Variants in GCSAML observed in about 807,000 individuals in gnomAD.
GCSAML encodes germinal center-associated signaling and motility-like protein.
In GCSAML, 9 loss-of-function variants were observed where a neutral mutation model predicts 13.0. That is an observed-to-expected ratio of 0.69 (90% CI 0.42 to 1.21). The LOEUF is 1.21. Ranked by LOEUF, GCSAML falls within the 50% of genes most tolerant of loss-of-function variation. The pLI is 0.00. For missense variants in GCSAML, 143 were observed against 153.4 expected (o/e 0.93, Z 0.36); for synonymous variants, 37 against 52.9 (o/e 0.70, Z 1.31).
At chr1:247,522,296 TG>T (rs1235650515) in intron 1 of GCSAML, among the ~76,000 whole-genome samples, 6 of 106,386 alleles carry the variant, frequency 5.6e-5, no homozygotes, top group Non-Finnish European at 1.0e-4. Flanking sequence ...GGGAGGGAGG[TG>T]GGGGGCGCCT....
intron 2 of GCSAML, among the ~76,000 whole-genome samples, chr1:247,557,343 A>G (rs1413115766): frequency 2.6e-5 from 4 of 152,196 alleles, no homozygotes; most frequent in African/African-American, 9.7e-5. Context: ...CCCTTGCAAG[A>G]CACTCAATGG....
intron 4 of GCSAML, among the ~76,000 whole-genome samples, chr1:247,566,369 G>C (rs1668366589): frequency 6.6e-6 from 1 of 151,930 alleles, no homozygotes; most frequent in Admixed American, 6.6e-5. Context: ...CAGCCTCCCA[G>C]GTAGCTGGCT....
chr1:247,572,132 T>G (rs1172104815), intron 4 of GCSAML, among the ~76,000 whole-genome samples: 1 of 152,212 alleles, frequency 6.6e-6, no homozygotes, highest in Admixed American at 6.5e-5. Context: ...TTAGCTTCCT[T>G]GCATTGGCTT....
At chr1:247,546,608 G>A (rs181751289), upstream of GCSAML, among the ~76,000 whole-genome samples, 19 of 151,986 alleles carry the variant, frequency 1.3e-4, no homozygotes, top group East Asian at 3.1e-3. Flanking sequence ...TGATCCACCC[G>A]CCTCGGCCTG....
chr1:247,513,476 C>G (rs1666109227), intron 1 of GCSAML, among the ~76,000 whole-genome samples: 1 of 152,254 alleles, frequency 6.6e-6, no homozygotes. Flanking sequence ...AGCTAGACCA[C>G]TTGGCTTCCT....
At position 247,557,433 on chromosome 1, in the gene GCSAML, AC is replaced by A. The variant is rs1667993727; in HGVS notation, c.89+970del. On this transcript the variant is annotated intron_variant, in intron 2 of 4. Transcript: ENST00000366488. ...TGCCTCAGCTTAGATGAACAGAAACACCCTGCCTTGTTGGTTAACTGTAGGC... is the reference window on the plus strand; with the variant it reads ...TGCCTCAGCTTAGATGAACAGAAACACCTGCCTTGTTGGTTAACTGTAGGC... Among the ~76,000 whole-genome samples, 3 of 152,174 alleles carry A rather than the reference AC, an allele frequency of 2.0e-5. No homozygotes were observed. In the South Asian group the frequency reaches 6.2e-4, roughly 32 times the overall value.
intron 1 of GCSAML, among the ~76,000 whole-genome samples, chr1:247,521,730 C>T (rs1233100934): frequency 2.6e-5 from 4 of 152,100 alleles, no homozygotes; most frequent in Non-Finnish European, 1.5e-5. Context: ...CAGCTCGCTA[C>T]AACCTCCACC....
chr1:247,514,808 C>T (rs1346404676), intron 1 of GCSAML, among the ~76,000 whole-genome samples: 2 of 152,134 alleles, frequency 1.3e-5, no homozygotes, highest in African/African-American at 2.4e-5. Context: ...TTATTCTGTT[C>T]CATTGGTCAA....
chr1:247,538,862 C>T (rs1194754496), intron 2 of GCSAML: 12 of 405,278 alleles, frequency 3.0e-5, no homozygotes, highest in Non-Finnish European at 6.0e-5. Context: ...CTCGACCTGC[C>T]TAATACAGAT....
intron 4 of GCSAML, among the ~76,000 whole-genome samples, chr1:247,573,230 C>T (rs1425187420): frequency 6.6e-6 from 1 of 152,186 alleles, no homozygotes; most frequent in Non-Finnish European, 1.5e-5. Context: ...AAAAAAACTC[C>T]TGCAGCTAGC....
rs530317484 is a variant in GCSAML, at chr1:247,535,362, C to T, written c.-148+8308C>T. On this transcript the variant is annotated intron_variant, in intron 2 of 5. Coordinates refer to the GCSAML transcript ENST00000366489. Reference sequence around the variant, plus strand: ...TCAGGGAGGTAGAGTTGAGACCTGTCAAAACGTGGATGTTTTCATCATGTG... The same window carrying T: ...TCAGGGAGGTAGAGTTGAGACCTGTTAAAACGTGGATGTTTTCATCATGTG... 3.3e-5 allele frequency among the ~76,000 whole-genome samples: 5 copies of T among 152,152 alleles called. No homozygotes were observed. The East Asian group carries it at 7.7e-4, about 24-fold the overall frequency.
At chr1:247,558,389 CTT>C (rs2103048561) in intron 2 of GCSAML, among the ~76,000 whole-genome samples, 1 of 152,282 alleles carries the variant, frequency 6.6e-6, no homozygotes, top group African/African-American at 2.4e-5. Flanking sequence ...AGTCACTTAA[CTT>C]TTAAAATGTA....
At chr1:247,508,149 T>C (rs1379628758) in intron 1 of GCSAML, among the ~76,000 whole-genome samples, 2 of 152,240 alleles carry the variant, frequency 1.3e-5, no homozygotes, top group African/African-American at 4.8e-5. Flanking sequence ...AAAGCATTCC[T>C]ATTTCTCCAC....
chr1:247,509,587 A>T (rs1665950991), intron 1 of GCSAML, among the ~76,000 whole-genome samples: 1 of 152,190 alleles, frequency 6.6e-6, no homozygotes, highest in Non-Finnish European at 1.5e-5. Flanking sequence ...GCTGGTTTTC[A>T]AAGAAAATGC....
At chr1:247,520,781 T>C (rs1158416561) in intron 1 of GCSAML, among the ~76,000 whole-genome samples, 2 of 152,184 alleles carry the variant, frequency 1.3e-5, no homozygotes, top group Non-Finnish European at 2.9e-5. Flanking sequence ...TCAGATTTCC[T>C]CATTGGATTA....
At chr1:247,532,646 G>C (rs1667033489) in intron 2 of GCSAML, 1 of 893,208 alleles carries the variant, frequency 1.1e-6, no homozygotes, top group Admixed American at 2.9e-5. Flanking sequence ...TTCTTTTTTA[G>C]AGACACAATT....
chr1:247,576,205 C>A lies in GCSAML; in HGVS notation c.*1823C>A, dbSNP rs2103087984. ...TGAAACAGAGTTTGCGCACATTGGA[C>A]CATCAGAAAGCAGAAGTGTCACTAT... On this transcript the variant is annotated 3_prime_UTR_variant, in exon 5 of 5. Transcript: ENST00000366488. 6.6e-6 allele frequency: 1 copy of A among 152,176 alleles called. No individual in the cohort carries two copies. Among genetic ancestry groups the A allele is most frequent in the East Asian group, 1.9e-4 (1 of 5,186 alleles). The allele number at this position is 152,176 out of a possible 1,614,324, so 9.4% of individuals were successfully genotyped here.
At chr1:247,520,914 C>G (rs1666393681) in intron 1 of GCSAML, among the ~76,000 whole-genome samples, 1 of 152,172 alleles carries the variant, frequency 6.6e-6, no homozygotes, top group African/African-American at 2.4e-5. Flanking sequence ...TTCTGTGTTT[C>G]TTATTAAGCC....
intron 1 of GCSAML, among the ~76,000 whole-genome samples, chr1:247,551,519 G>C (rs752683484): frequency 5.9e-5 from 9 of 152,180 alleles, no homozygotes; most frequent in Non-Finnish European, 1.2e-4. Flanking sequence ...AGGAAGAAAT[G>C]TCTATGCTCA....
Sources: gnomAD v4.1 joint callset for allele counts (sites outside exome capture counted in the v4.1 genomes callset) on GRCh38, gnomAD v4.1.1 for gene constraint, MANE v1.5 for transcripts, NCBI Gene and HGNC (gene_info 2026-07-23, HGNC 2026-07-21) for gene names.